Variants in CYFIP1 observed in about 807,000 individuals in gnomAD.
CYFIP1 encodes the protein cytoplasmic FMR1 interacting protein 1, also known as cytoplasmic FMR1-interacting protein 1.
Under a neutral mutation model 163.5 loss-of-function variants are expected in CYFIP1, and 58 were observed. The observed-to-expected ratio is 0.35, with a 90% CI of 0.29 to 0.44. The LOEUF is 0.44. Among genes scored for constraint, CYFIP1 ranks in the 20% least tolerant of loss-of-function variants. CYFIP1 has a pLI of 1.00. For synonymous variants in CYFIP1, 663 were observed against 660.7 expected (o/e 1.00, Z -0.05); for missense variants, 1,338 against 1,653.8 (o/e 0.81, Z 3.31).
intron 6 of CYFIP1, 105 bp from the exon 7 acceptor site, chr15:22,939,612 C>T: frequency 1.1e-6 from 1 of 880,636 alleles, no homozygotes; most frequent in South Asian, 1.8e-5. Flanking sequence ...CTTTCCCCTA[C>T]AGTCATCTGC....
chr15:22,958,079 T>TA (rs1263001520), intron 1 of CYFIP1, among the ~76,000 whole-genome samples: 8 of 152,016 alleles, frequency 5.3e-5, no homozygotes, highest in Non-Finnish European at 1.2e-4. Flanking sequence ...AGACTAGCTT[T>TA]ATTACTGAAG....
intron 3 of CYFIP1, among the ~76,000 whole-genome samples, chr15:22,945,789 G>A (rs1022578523): frequency 1.3e-4 from 19 of 151,666 alleles, no homozygotes; most frequent in African/African-American, 4.4e-4. Context: ...CACCATGTTG[G>A]CCAGGCTGGT....
Position 22,928,879 on chromosome 15 carries a change from T to C in CYFIP1, c.1111-851A>G, listed in dbSNP as rs578073251. Among the ~76,000 whole-genome samples the C allele has an allele frequency of 3.3e-5, 5 of 152,048 alleles. No individual in the cohort carries two copies. The South Asian group carries it at 1.0e-3, about 32-fold the overall frequency. The stretch of plus-strand genomic sequence containing the variant: ...TGCATGGAGCTCACAGCATGACCAC[T>C]GAGAGGACCCTGAGCAGCTCTAAAC... On this transcript the variant is annotated intron_variant, in intron 11 of 30. Coordinates refer to ENST00000617928, the MANE Select transcript of CYFIP1 (RefSeq NM_014608.6).
At chr15:22,872,377 T>C (rs559949262) in intron 30 of CYFIP1, among the ~76,000 whole-genome samples, 1 of 151,954 alleles carries the variant, frequency 6.6e-6, no homozygotes, top group Non-Finnish European at 1.5e-5. Context: ...CTAACATATG[T>C]TTAACTGAAG....
chr15:22,961,608 A>G (rs1047281760), intron 1 of CYFIP1, among the ~76,000 whole-genome samples: 12 of 151,662 alleles, frequency 7.9e-5, no homozygotes, highest in African/African-American at 2.7e-4. Flanking sequence ...TTGAACTCCT[A>G]AGCTCAAGAG....
At chr15:22,944,485 C>T (rs1162939097) in intron 5 of CYFIP1, 73 bp downstream of exon 5, 3 of 972,720 alleles carry the variant, frequency 3.1e-6, no homozygotes, top group Non-Finnish European at 3.2e-6. Context: ...TTCACAGTGA[C>T]AGTGATGGGT....
intron 15 of CYFIP1, chr15:22,916,959 C>A: frequency 1.3e-6 from 2 of 1,551,726 alleles, no homozygotes; most frequent in Non-Finnish European, 1.7e-6. Flanking sequence ...CCTCTCCATG[C>A]CCAGAGACTT....
At chr15:22,977,909 AC>A (rs1336422072) in intron 1 of CYFIP1, among the ~76,000 whole-genome samples, 1 of 152,090 alleles carries the variant, frequency 6.6e-6, no homozygotes, top group Non-Finnish European at 1.5e-5. Context: ...TATTATTTAA[AC>A]CCAAAGTCAC....
At position 22,879,990 on chromosome 15, in the gene CYFIP1, G is replaced by C; in HGVS notation, c.2965C>G (p.Leu989Val). 1 of 1,614,018 alleles carries C rather than the reference G, an allele frequency of 6.2e-7. No individual in the cohort carries two copies. Among genetic ancestry groups the C allele is most frequent in the Non-Finnish European group, 8.5e-7 (1 of 1,179,990 alleles). Residue 989 changes from leucine (L) to valine (V), a missense_variant, in exon 26 of 31, where the codon CTG (leucine) becomes GTG (valine). Around this residue, in one of 4 missense-constraint regions of CYFIP1, gnomAD observed 22 missense variants for 47.7 expected, o/e 0.46. Coordinates refer to ENST00000617928, the MANE Select transcript of CYFIP1 (RefSeq NM_014608.6). ...QLKDIVEYAE[L>V]KTVCFQNLRE... ...AGGTTCTGGAAGCACACCGTCTTCAGCTCTGCGTACTCCACGATGTCCTTC... is the reference window on the plus strand; with the variant it reads ...AGGTTCTGGAAGCACACCGTCTTCACCTCTGCGTACTCCACGATGTCCTTC...
intron 13 of CYFIP1, among the ~76,000 whole-genome samples, chr15:22,925,639 G>A (rs1229232531): frequency 6.6e-6 from 1 of 152,164 alleles, no homozygotes; most frequent in African/African-American, 2.4e-5. Context: ...AAAGGCTCAC[G>A]AGGGGAGTGC....
chr15:22,888,689 G>A (rs144827225), intron 23 of CYFIP1, among the ~76,000 whole-genome samples: 4,541 of 148,296 alleles, frequency 0.031, 166 homozygotes, highest in African/African-American at 0.089. Context: ...CTGTGATTGC[G>A]CCACTGCAAT....
chr15:22,883,618 C>G (rs974533399), intron 23 of CYFIP1, among the ~76,000 whole-genome samples: 3 of 152,020 alleles, frequency 2.0e-5, no homozygotes, highest in African/African-American at 4.8e-5. Flanking sequence ...GAGATGGAGA[C>G]CATCCTGGCT....
At chr15:22,903,116 T>TC (rs2060451054) in intron 22 of CYFIP1, among the ~76,000 whole-genome samples, 1 of 152,026 alleles carries the variant, frequency 6.6e-6, no homozygotes, top group African/African-American at 2.4e-5. Flanking sequence ...GCCCTGGTCA[T>TC]CCCCCCAGGC....
At chr15:22,942,224 A>T (rs7402401) in intron 6 of CYFIP1, among the ~76,000 whole-genome samples, 115,807 of 152,174 alleles carry the variant, frequency 0.76, 44,204 homozygotes, top group East Asian at 0.87. Flanking sequence ...GTGGGTTTTT[A>T]AAATAAAGAC....
Position 22,903,829 on chromosome 15 carries a change from T to G in CYFIP1, c.2465A>C (p.Asp822Ala). The G allele has an allele frequency of 6.2e-7, 1 of 1,614,176 alleles. No homozygotes were observed. Among genetic ancestry groups the G allele is most frequent in the Non-Finnish European group, 8.5e-7 (1 of 1,180,036 alleles). ...GTGGTTGGCCTCCCGGAACATGGCG[T>G]CGAAGCCGTCCAGCGTCAGGTACCG... ...LSRYLTLDGF[D>A]AMFREANHNV... The change falls in exon 22 of 31, where the codon GAC becomes GCC. Residue 822 changes from aspartate to alanine, a missense_variant. Asp to Ala is a moderately radical substitution (Grantham distance 126). Coordinates refer to ENST00000617928, the MANE Select transcript of CYFIP1 (RefSeq NM_014608.6).
At chr15:22,931,100 G>C (rs1307156060) in intron 11 of CYFIP1, among the ~76,000 whole-genome samples, 1 of 152,160 alleles carries the variant, frequency 6.6e-6, no homozygotes, top group Non-Finnish European at 1.5e-5. Context: ...GGTAACCATG[G>C]GGGGTGGGGG....
chr15:22,872,398 CA>C (rs2059461438), intron 30 of CYFIP1, among the ~76,000 whole-genome samples: 1 of 151,442 alleles, frequency 6.6e-6, no homozygotes, highest in East Asian at 1.9e-4. Flanking sequence ...TCCTGAATGG[CA>C]AGAATAGGGA....
In CYFIP1 at chr15:22,894,273, CTTTTCTTT is replaced by C. The variant is rs2060162706; in HGVS notation, c.2589-1304_2589-1297del. On this transcript the variant is annotated intron_variant, in intron 22 of 30. Coordinates refer to ENST00000617928, the MANE Select transcript of CYFIP1 (RefSeq NM_014608.6). ...ATGATGCCACTTATATTACAGCAGA[CTTTTCTTT>C]TTTTTTTTTTTTTTTTTTTTTTTCT... is the stretch of plus-strand genomic sequence containing the variant. Among the ~76,000 whole-genome samples, 22 of 127,338 alleles carry C rather than the reference CTTTTCTTT, an allele frequency of 1.7e-4. 2 individuals are homozygous for C. The South Asian group carries it at 5.6e-3, about 32-fold the overall frequency. 83.5% of individuals were successfully genotyped at this position (127,338 alleles called of 152,430 possible). A position where few individuals can be genotyped will look rare whatever the true frequency, so the allele number is the denominator to read the frequency against.
At position 22,882,858 on chromosome 15, in the gene CYFIP1, G is replaced by A. The variant is rs1177305804; in HGVS notation, c.2820+10C>T. ...GCTGTGTGAAAGAAGCATGTCCAGGGAACACTCACCAGGCTCTTGACGACC... is the reference window on the plus strand; with the variant it reads ...GCTGTGTGAAAGAAGCATGTCCAGGAAACACTCACCAGGCTCTTGACGACC... On this transcript the variant is annotated intron_variant, in intron 24 of 30. Coordinates refer to ENST00000617928, the MANE Select transcript of CYFIP1 (RefSeq NM_014608.6). 26 of 1,610,982 alleles carry A rather than the reference G, an allele frequency of 1.6e-5. No homozygotes were observed. The highest frequency in any genetic ancestry group is 2.2e-5 in the Non-Finnish European group (26 of 1,177,582).
Sources: gnomAD v4.1 joint callset for allele counts (sites outside exome capture counted in the v4.1 genomes callset) on GRCh38, gnomAD v4.1.1 for gene constraint, gnomAD v4.1.1 regional missense constraint, MANE v1.5 for transcripts, NCBI Gene and HGNC (gene_info 2026-07-23, HGNC 2026-07-21) for gene names.